The following NDRG1 variants were observed in gnomAD, a reference collection of about 807,000 sequenced individuals.
The protein encoded by NDRG1 is protein NDRG1.
In NDRG1, 32 loss-of-function variants were observed where a neutral mutation model predicts 56.9. The ratio of observed to expected loss-of-function variants is 0.56; its 90% CI spans 0.42 to 0.76. The LOEUF (loss-of-function observed/expected upper bound fraction) is 0.76, where lower values mean the gene tolerates loss of function less well. NDRG1 is among the 30% of genes least tolerant of loss of function. The pLI, the probability that NDRG1 is intolerant of heterozygous loss-of-function variation, is 0.00. For synonymous variants in NDRG1, 211 were observed against 204.1 expected (o/e 1.03, Z -0.29); for missense variants, 507 against 545.7 (o/e 0.93, Z 0.71).
Position 133,254,460 on chromosome 8 carries a change from C to G in NDRG1, c.594+79G>C, listed in dbSNP as rs899093199. ...TGATTGTGTCTTGTTCTCTCCACCC[C>G]CACATGGGGCCCTGTGCTGAGCACC... On this transcript the variant is annotated intron_variant, in intron 9 of 15. Coordinates refer to ENST00000323851, the MANE Select transcript of NDRG1 (RefSeq NM_006096.4). 8.0e-6 allele frequency: 12 copies of G among 1,505,994 alleles called. No individual in the cohort carries two copies. In the African/African-American group the frequency reaches 1.5e-4, roughly 19 times the overall value. The allele number at this position is 1,505,994 out of a possible 1,614,324, so 93.3% of individuals were successfully genotyped here.
At chr8:133,269,075 G>A (rs536681708) in intron 3 of NDRG1, among the ~76,000 whole-genome samples, 10 of 152,304 alleles carry the variant, frequency 6.6e-5, no homozygotes, top group African/African-American at 2.4e-4. Context: ...CTGGAGAGAG[G>A]AACCCATCCC....
At chr8:133,287,295 C>A (rs953065388) in intron 1 of NDRG1, among the ~76,000 whole-genome samples, 1 of 152,216 alleles carries the variant, frequency 6.6e-6, no homozygotes. Flanking sequence ...CCAGCCCCCA[C>A]GCCACCAGGC....
chr8:133,254,879 C>T (rs1856284754), intron 8 of NDRG1: 1 of 457,130 alleles, frequency 2.2e-6, no homozygotes, highest in Non-Finnish European at 4.0e-6. Context: ...CCAGCTACTG[C>T]TAGCTTACCC....
At position 133,280,019 on chromosome 8, in the gene NDRG1, G is replaced by A. The variant is rs555839100; in HGVS notation, c.99+213C>T. On this transcript the variant is annotated intron_variant, in intron 3 of 15. Coordinates refer to ENST00000323851, the MANE Select transcript of NDRG1 (RefSeq NM_006096.4). The stretch of plus-strand genomic sequence containing the variant: ...CAGGCGGTGTCTCTGTCCTGCTTTC[G>A]TGGGAAGTGACTGGTTCCTGATTCT... Among the ~76,000 whole-genome samples, 6 of 152,272 alleles carry A rather than the reference G, an allele frequency of 3.9e-5. No individual in the cohort carries two copies. In the East Asian group the frequency reaches 5.8e-4, roughly 15 times the overall value.
intron 3 of NDRG1, chr8:133,265,025 G>A: frequency 1.2e-5 from 4 of 326,932 alleles, no homozygotes; most frequent in Non-Finnish European, 2.4e-5. Context: ...ACAGGTTACT[G>A]TACCTGTGAC....
At chr8:133,256,123 T>A (rs553832444) in intron 8 of NDRG1, 57 of 153,130 alleles carry the variant, frequency 3.7e-4, no homozygotes, top group Non-Finnish European at 7.1e-4. Context: ...CAGTCCCCGT[T>A]CTACTGCCTA....
At chr8:133,272,257 C>A (rs1352888916) in intron 3 of NDRG1, among the ~76,000 whole-genome samples, 1 of 152,178 alleles carries the variant, frequency 6.6e-6, no homozygotes, top group African/African-American at 2.4e-5. Flanking sequence ...CCTCAGTTCT[C>A]CAAGGAAACA....
chr8:133,241,611 A>T, intron 15 of NDRG1: 1 of 307,510 alleles, frequency 3.3e-6, no homozygotes, highest in Non-Finnish European at 6.3e-6. Flanking sequence ...GTGATGGTTC[A>T]GTGAGATAAA....
chr8:133,272,951 G>A (rs1417915170), intron 3 of NDRG1, among the ~76,000 whole-genome samples: 3 of 152,176 alleles, frequency 2.0e-5, no homozygotes, highest in Non-Finnish European at 2.9e-5. Flanking sequence ...GAGCTGGTCC[G>A]CTTCCAAGAA....
chr8:133,244,384 C>T lies in NDRG1; in HGVS notation c.862G>A (p.Asp288Asn). The part of the protein sequence containing the change: ...PTKTTLLKMA[D>N]CGGLPQISQP... ...GAGATCTGCGGGAGGCCGCCACAGT[C>T]CGCCATCTAGGAGAGAGGGAAGCTC... Residue 288 changes from aspartate (D) to asparagine (N), a missense_variant, in exon 14 of 16, where the codon GAC becomes AAC. Coordinates refer to ENST00000323851, the MANE Select transcript of NDRG1 (RefSeq NM_006096.4). 6.2e-7 allele frequency: 1 copy of T among 1,614,246 alleles called. No individual in the cohort carries two copies.
At chr8:133,239,360 G>T in intron 15 of NDRG1, 1 of 644,670 alleles carries the variant, frequency 1.6e-6, no homozygotes, top group Non-Finnish European at 2.7e-6. Context: ...CCCAGATCTG[G>T]GTCTGAACCC....
intron 3 of NDRG1, among the ~76,000 whole-genome samples, chr8:133,271,166 G>A (rs544872224): frequency 2.6e-5 from 4 of 152,272 alleles, no homozygotes; most frequent in Admixed American, 2.0e-4. Context: ...GATGCCGACC[G>A]TTCTAGGCTC....
chr8:133,241,672 T>C lies in NDRG1; in HGVS notation c.943+351A>G, dbSNP rs377484408. The C allele has an allele frequency of 3.6e-5, 14 of 391,802 alleles. No homozygotes were observed. The East Asian group carries it at 7.8e-4, about 22-fold the overall frequency. The allele number at this position is 391,802 out of a possible 1,614,324, so 24.3% of individuals were successfully genotyped here. The stretch of plus-strand genomic sequence containing the variant: ...TCATCGACACCATCTTCATCATCAC[T>C]GTAGCTAGTGGTCTCTTAAAACTTG... On this transcript the variant is annotated intron_variant, in intron 15 of 15. Coordinates refer to ENST00000323851, the MANE Select transcript of NDRG1 (RefSeq NM_006096.4).
intron 3 of NDRG1, among the ~76,000 whole-genome samples, chr8:133,271,430 T>A (rs944041857): frequency 2.6e-5 from 4 of 152,104 alleles, no homozygotes; most frequent in African/African-American, 9.7e-5. Context: ...CATAAAATGA[T>A]ACACTCCTCC....
At chr8:133,248,185 G>A (rs991443373) in intron 11 of NDRG1, among the ~76,000 whole-genome samples, 18 of 152,310 alleles carry the variant, frequency 1.2e-4, no homozygotes, top group African/African-American at 4.1e-4. Context: ...CTCAAGGATG[G>A]TTAAGCAGGA....
chr8:133,246,592 G>T (rs199928064), intron 13 of NDRG1, 24 bp downstream of exon 13: 1 of 1,613,488 alleles, frequency 6.2e-7, no homozygotes, highest in Admixed American at 1.7e-5. Flanking sequence ...TAACAAACAC[G>T]AACCCCCACT....
At chr8:133,277,657 G>A (rs1029390066) in intron 3 of NDRG1, among the ~76,000 whole-genome samples, 6 of 152,220 alleles carry the variant, frequency 3.9e-5, no homozygotes, top group African/African-American at 1.2e-4. Flanking sequence ...TGACGGAACT[G>A]TACATTTAAA....
At position 133,238,626 on chromosome 8, in the gene NDRG1, G is replaced by A. The variant is rs1855192947; in HGVS notation, c.*252C>T. On this transcript the variant is annotated 3_prime_UTR_variant, in exon 16 of 16. Coordinates refer to ENST00000323851, the MANE Select transcript of NDRG1 (RefSeq NM_006096.4). Reference sequence around the variant, plus strand: ...AGGGAGGGGAGGAGAGTGGCAACCGGCCACTGGTTAATGGAAGAGGATGCG... The same window carrying A: ...AGGGAGGGGAGGAGAGTGGCAACCGACCACTGGTTAATGGAAGAGGATGCG... 1.8e-6 allele frequency: 1 copy of A among 565,472 alleles called. No homozygotes were observed. Among genetic ancestry groups the A allele is most frequent in the African/African-American group, 1.9e-5 (1 of 53,408 alleles). 35.0% of individuals were successfully genotyped at this position (565,472 alleles called of 1,614,324 possible). A position where few individuals can be genotyped will look rare whatever the true frequency, so the allele number is the denominator to read the frequency against.
intron 3 of NDRG1, among the ~76,000 whole-genome samples, chr8:133,273,903 CT>C (rs1313853174): frequency 6.6e-5 from 10 of 152,220 alleles, no homozygotes; most frequent in Middle Eastern, 3.2e-3. Context: ...TACTCCCCCC[CT>C]CCCTACTCAT....
Sources: gnomAD v4.1 joint callset for allele counts (sites outside exome capture counted in the v4.1 genomes callset) on GRCh38, gnomAD v4.1.1 for gene constraint, MANE v1.5 for transcripts, NCBI Gene and HGNC (gene_info 2026-07-23, HGNC 2026-07-21) for gene names.